RIMS2: variants seen among roughly 807,000 people sequenced by gnomAD.
RIMS2 encodes regulating synaptic membrane exocytosis 2, also known as regulating synaptic membrane exocytosis protein 2.
A neutral mutation model predicts 174.4 loss-of-function variants in RIMS2; 59 were observed. The observed-to-expected ratio is 0.34, with a 90% confidence interval of 0.27 to 0.42. RIMS2 has a LOEUF of 0.42. Ranked by LOEUF, RIMS2 falls within the 10% of genes least tolerant of loss-of-function variation. The pLI is 1.00. For missense variants in RIMS2, 1,620 were observed against 1,666.3 expected (o/e 0.97, Z 0.48); for synonymous variants, 606 against 572.5 (o/e 1.06, Z -0.84).
chr8:103,610,857 G>C (rs2095344197), intron 1 of RIMS2, among the ~76,000 whole-genome samples: 1 of 152,110 alleles, frequency 6.6e-6, no homozygotes, highest in Non-Finnish European at 1.5e-5. Flanking sequence ...AGTTCGAGAG[G>C]AGTTCATTCA....
chr8:103,544,757 G>A (rs1412239504), intron 1 of RIMS2, among the ~76,000 whole-genome samples: 1 of 152,224 alleles, frequency 6.6e-6, no homozygotes, highest in Non-Finnish European at 1.5e-5. Flanking sequence ...AGAAATACAG[G>A]CATGGAGACA....
intron 1 of RIMS2, among the ~76,000 whole-genome samples, chr8:103,607,767 A>T (rs2095183660): frequency 7.4e-6 from 1 of 135,156 alleles, no homozygotes. Flanking sequence ...TCCATTGCTG[A>T]TACCCTTTCT....
chr8:104,087,562 C>A (rs2097558929), intron 19 of RIMS2, among the ~76,000 whole-genome samples: 1 of 152,026 alleles, frequency 6.6e-6, no homozygotes, highest in African/African-American at 2.4e-5. Context: ...GATGACTAGA[C>A]CTATTTAATG....
At chr8:103,511,253 G>A (rs1826301942) in intron 1 of RIMS2, among the ~76,000 whole-genome samples, 1 of 152,076 alleles carries the variant, frequency 6.6e-6, no homozygotes, top group Non-Finnish European at 1.5e-5. Context: ...AGTCATGTTA[G>A]TTAATAATTG....
chr8:103,833,607 A>G (rs577190471), intron 3 of RIMS2, among the ~76,000 whole-genome samples: 331 of 151,900 alleles, frequency 2.2e-3, no homozygotes, highest in African/African-American at 7.7e-3. Flanking sequence ...TATTGATTTT[A>G]TTTCTTTCAG....
intron 19 of RIMS2, among the ~76,000 whole-genome samples, chr8:104,144,376 G>T (rs796398294): frequency 6.6e-6 from 1 of 152,194 alleles, no homozygotes; most frequent in African/African-American, 2.4e-5. Flanking sequence ...TCAATCTATT[G>T]TGTAGTAATC....
At chr8:103,786,327 T>C (rs541560433) in intron 3 of RIMS2, among the ~76,000 whole-genome samples, 63 of 152,284 alleles carry the variant, frequency 4.1e-4, no homozygotes, top group African/African-American at 1.3e-3. Context: ...TGAATGTATT[T>C]GCTCTTGCTT....
intron 19 of RIMS2, among the ~76,000 whole-genome samples, chr8:104,153,734 T>C (rs533708604): frequency 2.3e-4 from 35 of 152,020 alleles, no homozygotes; most frequent in African/African-American, 8.2e-4. Context: ...CATTCTACCA[T>C]TTAGAGGTCA....
intron 1 of RIMS2, among the ~76,000 whole-genome samples, chr8:103,580,485 G>A (rs980088100): frequency 6.6e-6 from 1 of 151,674 alleles, no homozygotes; most frequent in South Asian, 2.1e-4. Flanking sequence ...TGATAAAGGG[G>A]ATCAATTCAA....
intron 1 of RIMS2, among the ~76,000 whole-genome samples, chr8:103,520,792 T>C (rs1233475007): frequency 6.6e-6 from 1 of 152,132 alleles, no homozygotes; most frequent in Non-Finnish European, 1.5e-5. Flanking sequence ...AATTCTCTTC[T>C]GACCATTCTA....
intron 2 of RIMS2, among the ~76,000 whole-genome samples, chr8:103,734,355 G>T (rs2097656790): frequency 6.8e-6 from 1 of 147,484 alleles, no homozygotes; most frequent in South Asian, 2.1e-4. Context: ...TTTAGTGCAG[G>T]TTTACTAGGG....
chr8:103,921,726 C>T (rs977523372), exon 10 of RIMS2: 2 of 1,580,760 alleles, frequency 1.3e-6, no homozygotes, highest in Non-Finnish European at 1.7e-6. Flanking sequence ...TCTGTTACCT[C>T]TCCCATGAGT....
intron 6 of RIMS2, among the ~76,000 whole-genome samples, chr8:103,914,126 G>A (rs539119265): frequency 5.9e-5 from 9 of 152,214 alleles, no homozygotes; most frequent in African/African-American, 2.2e-4. Context: ...CCATTTCCAG[G>A]GACAGTGAGA....
At chr8:103,814,598 G>T (rs1214218030) in intron 3 of RIMS2, among the ~76,000 whole-genome samples, 1 of 152,142 alleles carries the variant, frequency 6.6e-6, no homozygotes, top group Non-Finnish European at 1.5e-5. Context: ...GGAGAAGTCA[G>T]GCACAGTGGC....
At chr8:103,923,709 G>A (rs62527116) in intron 10 of RIMS2, among the ~76,000 whole-genome samples, 29,812 of 151,446 alleles carry the variant, frequency 0.2, 3,576 homozygotes, top group Middle Eastern at 0.36. Flanking sequence ...AGCTGTATAT[G>A]TTTTGAAATT....
At chr8:103,803,747 A>G (rs2154457510) in intron 3 of RIMS2, among the ~76,000 whole-genome samples, 1 of 152,298 alleles carries the variant, frequency 6.6e-6, no homozygotes, top group Non-Finnish European at 1.5e-5. Flanking sequence ...ATAAACTGCC[A>G]TGTTGTAAAA....
intron 3 of RIMS2, among the ~76,000 whole-genome samples, chr8:103,787,891 A>G (rs202097154): frequency 2.0e-5 from 3 of 151,950 alleles, no homozygotes; most frequent in African/African-American, 4.8e-5. Flanking sequence ...CATTCTCCCC[A>G]TCACTTTCAG....
intron 1 of RIMS2, among the ~76,000 whole-genome samples, chr8:103,604,176 T>C (rs2094922658): frequency 1.3e-5 from 2 of 150,716 alleles, no homozygotes; most frequent in African/African-American, 4.9e-5. Flanking sequence ...AATTTTTGTA[T>C]AAGGTGTAAG....
At chr8:104,005,289 A>G (rs190714656) in intron 17 of RIMS2, among the ~76,000 whole-genome samples, 8 of 152,330 alleles carry the variant, frequency 5.3e-5, no homozygotes, top group African/African-American at 1.4e-4. Flanking sequence ...AGTAAGGACT[A>G]TGTCCATTAT....
Sources: gnomAD v4.1 joint callset for allele counts (sites outside exome capture counted in the v4.1 genomes callset) on GRCh38, gnomAD v4.1.1 for gene constraint, MANE v1.5 for transcripts, NCBI Gene and HGNC (gene_info 2026-07-23, HGNC 2026-07-21) for gene names.